The following FRMD6 variants were observed in gnomAD, a reference collection of about 807,000 sequenced individuals.
FRMD6 encodes FERM domain containing 6.
In FRMD6, 37 loss-of-function variants were observed where a neutral mutation model predicts 73.2. The ratio of observed to expected loss-of-function variants is 0.51; its 90% confidence interval spans 0.39 to 0.66. The LOEUF (loss-of-function observed/expected upper bound fraction) is 0.66. Among genes scored for constraint, FRMD6 ranks in the 30% least tolerant of loss-of-function variants. FRMD6 has a pLI of 0.00. For missense variants in FRMD6, 714 were observed against 780.5 expected (o/e 0.91, Z 1.02); for synonymous variants, 273 against 282.2 (o/e 0.97, Z 0.33).
the FRMD6 span, among the ~76,000 whole-genome samples, chr14:51,402,515 A>T: frequency 3.9e-5 from 6 of 152,116 alleles, no homozygotes; most frequent in African/African-American, 1.4e-4. Context: ...TCCACGTAAG[A>T]TATGACTTGC....
the FRMD6 span, among the ~76,000 whole-genome samples, chr14:51,446,354 A>G: frequency 6.6e-6 from 1 of 151,998 alleles, no homozygotes; most frequent in Non-Finnish European, 1.5e-5. Context: ...TTGAAGATTC[A>G]TAAGAGACTG....
chr14:51,688,674 G>T (rs1445319310), intron 1 of FRMD6, among the ~76,000 whole-genome samples: 1 of 152,098 alleles, frequency 6.6e-6, no homozygotes, highest in Non-Finnish European at 1.5e-5. Context: ...AATACTAATG[G>T]TTTGACAGAC....
rs10129519 is a variant in FRMD6 at position 51,711,320 on chromosome 14, G to T, written c.715-211G>T. Among the ~76,000 whole-genome samples, 8 of 152,008 alleles carry T rather than the reference G, an allele frequency of 5.3e-5. No homozygotes were observed. The South Asian group carries it at 1.5e-3, about 28-fold the overall frequency. On this transcript the variant is annotated intron_variant, in intron 7 of 13. Transcript: ENST00000344768. ...TGAAATCTCAGGAATTTAAAAAGTAGAATATACCATTCTTGATTTAATATG... is the reference window on the plus strand; with the variant it reads ...TGAAATCTCAGGAATTTAAAAAGTATAATATACCATTCTTGATTTAATATG...
At chr14:51,483,203 T>TA in the FRMD6 span, among the ~76,000 whole-genome samples, 12 of 152,332 alleles carry the variant, frequency 7.9e-5, no homozygotes, top group Non-Finnish European at 1.8e-4. Context: ...ATTCAGTAAA[T>TA]ACGTATTGCA....
the FRMD6 span, among the ~76,000 whole-genome samples, chr14:51,430,379 G>A: frequency 6.6e-6 from 1 of 152,168 alleles, no homozygotes; most frequent in Non-Finnish European, 1.5e-5. Flanking sequence ...CTTTCCCAAA[G>A]TATTCTTTTC....
chr14:51,546,426 G>A (rs891775663), intron 1 of FRMD6, among the ~76,000 whole-genome samples: 11 of 128,304 alleles, frequency 8.6e-5, no homozygotes, highest in African/African-American at 1.2e-4. Context: ...AATAGTTCCT[G>A]TAAAATTCCT....
At chr14:51,725,219 C>T (rs917740572) in intron 12 of FRMD6, among the ~76,000 whole-genome samples, 4 of 152,184 alleles carry the variant, frequency 2.6e-5, no homozygotes, top group South Asian at 2.1e-4. Context: ...CGATTTTATA[C>T]GAGAAGGAGA....
the FRMD6 span, among the ~76,000 whole-genome samples, chr14:51,432,228 T>C: frequency 6.6e-6 from 1 of 152,164 alleles, no homozygotes; most frequent in African/African-American, 2.4e-5. Context: ...TGGTGACAGT[T>C]CAACCTCAAG....
In FRMD6 at chr14:51,594,202, G is replaced by A. The variant is rs1032845386; in HGVS notation, c.-147+23792G>A. On this transcript the variant is annotated intron_variant, in intron 2 of 14. Transcript: ENST00000356218. Reference sequence around the variant, plus strand: ...TGCAGTGGCGCGATCTCGGCTCACTGTAAACTCCACCTCCTGGGTTCAAGC... The same window carrying A: ...TGCAGTGGCGCGATCTCGGCTCACTATAAACTCCACCTCCTGGGTTCAAGC... 3.4e-4 allele frequency among the ~76,000 whole-genome samples: 52 copies of A among 152,132 alleles called. 1 individual carries two copies. The highest frequency in any genetic ancestry group is 1.2e-4 in the Non-Finnish European group (8 of 68,020).
chr14:51,671,744 C>T (rs1197248974), intron 1 of FRMD6, among the ~76,000 whole-genome samples: 3 of 152,120 alleles, frequency 2.0e-5, no homozygotes, highest in Admixed American at 6.6e-5. Flanking sequence ...ATAACTTACT[C>T]GTTTTAAGAA....
the FRMD6 span, among the ~76,000 whole-genome samples, chr14:51,459,051 G>C: frequency 6.6e-6 from 1 of 152,154 alleles, no homozygotes; most frequent in African/African-American, 2.4e-5. Flanking sequence ...AGATGCACAC[G>C]GCAGCGTAGT....
intron 2 of FRMD6, among the ~76,000 whole-genome samples, chr14:51,604,926 T>C (rs1284145196): frequency 2.0e-5 from 3 of 152,156 alleles, no homozygotes; most frequent in Non-Finnish European, 4.4e-5. Flanking sequence ...CTGGCACAAG[T>C]GAATATATTC....
chr14:51,468,274 GACGGT>G, the FRMD6 span, among the ~76,000 whole-genome samples: 1 of 141,680 alleles, frequency 7.1e-6, no homozygotes, highest in African/African-American at 2.6e-5. Flanking sequence ...ATCAGAGGGA[GACGGT>G]GCAAAGGGGA....
intron 2 of FRMD6, among the ~76,000 whole-genome samples, chr14:51,581,440 G>A (rs1596650130): frequency 6.6e-6 from 1 of 152,270 alleles, no homozygotes. Flanking sequence ...TCATCTCCAA[G>A]AAGTTTTATA....
At chr14:51,490,156 T>G (rs143621065) in intron 1 of FRMD6, among the ~76,000 whole-genome samples, 2 of 152,164 alleles carry the variant, frequency 1.3e-5, no homozygotes, top group African/African-American at 4.8e-5. Context: ...GCATGTGTGA[T>G]AGAAGGAAGT....
At chr14:51,576,877 G>A (rs190657796) in intron 2 of FRMD6, among the ~76,000 whole-genome samples, 130 of 152,290 alleles carry the variant, frequency 8.5e-4, no homozygotes, top group Non-Finnish European at 1.5e-3. Flanking sequence ...TGTTAGACAA[G>A]TCTCTTTCTC....
upstream of FRMD6, among the ~76,000 whole-genome samples, chr14:51,649,032 G>A (rs925426423): frequency 3.3e-5 from 5 of 152,136 alleles, no homozygotes; most frequent in Admixed American, 1.3e-4. Context: ...TACCCACACA[G>A]TTGCATTCTT....
intron 1 of FRMD6, among the ~76,000 whole-genome samples, chr14:51,667,990 A>T (rs1338041754): frequency 6.6e-6 from 1 of 152,214 alleles, no homozygotes; most frequent in Non-Finnish European, 1.5e-5. Flanking sequence ...AGTAAAACCT[A>T]GCAGGGAAAG....
At chr14:51,490,324 A>G (rs1388847116) in intron 1 of FRMD6, among the ~76,000 whole-genome samples, 1 of 152,168 alleles carries the variant, frequency 6.6e-6, no homozygotes, top group Non-Finnish European at 1.5e-5. Flanking sequence ...AAGATGACCA[A>G]ATATTGAGGC....
Sources: allele counts gnomAD v4.1 joint callset (sites outside exome capture counted in the v4.1 genomes callset), GRCh38; gene constraint gnomAD v4.1.1; transcripts MANE v1.5; gene names NCBI Gene and HGNC (gene_info 2026-07-23, HGNC 2026-07-21).